SLC26A8: variants seen among roughly 807,000 people sequenced by gnomAD.
SLC26A8 encodes testis anion transporter 1.
Under a neutral mutation model 105.0 loss-of-function variants are expected in SLC26A8, and 70 were observed. That is an observed-to-expected ratio of 0.67 (90% CI 0.55 to 0.81). The LOEUF is 0.81. SLC26A8 is among the 40% of genes least tolerant of loss of function. The pLI is 0.00. For missense variants in SLC26A8, 998 were observed against 1,181.8 expected (o/e 0.84, Z 2.28); for synonymous variants, 415 against 438.3 (o/e 0.95, Z 0.66).
intron 3 of SLC26A8, among the ~76,000 whole-genome samples, chr6:36,008,110 A>C: frequency 7.6e-6 from 1 of 131,360 alleles, no homozygotes; most frequent in Admixed American, 8.5e-5. Context: ...ACAGAGCGAG[A>C]CTCCGTCTCA....
rs1162745409 is a variant in SLC26A8, at chr6:36,012,351, T to C, written c.210A>G (p.Leu70=). Residue 70 remains leucine, a synonymous_variant, in exon 3 of 20, where the codon CTA becomes CTG. Transcript: ENST00000490799. ...VQCRCSWHRF[L]RCVLTIFPFL... ...AGGGAAAGATTGTAAGCACGCATCG[T>C]AGGAACCTGTGCCATGAGCAGCTGT... 1.9e-6 allele frequency: 3 copies of C among 1,597,066 alleles called. No homozygotes were observed. Among genetic ancestry groups the C allele is most frequent in the Non-Finnish European group, 2.6e-6 (3 of 1,174,392 alleles).
intron 1 of SLC26A8, among the ~76,000 whole-genome samples, chr6:36,022,775 T>C (rs1217439178): frequency 6.6e-6 from 1 of 151,922 alleles, no homozygotes; most frequent in Non-Finnish European, 1.5e-5. Context: ...TCCAGCTCCA[T>C]TATGTCTTTC....
chr6:35,991,518 A>T (rs574127469), intron 7 of SLC26A8, 141 bp downstream of exon 7: 128 of 594,190 alleles, frequency 2.2e-4, no homozygotes, highest in Non-Finnish European at 3.1e-4. Context: ...ATATTTTAGA[A>T]AAAGAAAACA....
intron 11 of SLC26A8, among the ~76,000 whole-genome samples, chr6:35,968,034 G>A (rs1772588576): frequency 6.6e-6 from 1 of 151,980 alleles, no homozygotes; most frequent in African/African-American, 2.4e-5. Context: ...TTTTAGTAGA[G>A]ACGGGGTTTT....
chr6:35,958,981 TCCC>T (rs1452234423), intron 16 of SLC26A8, among the ~76,000 whole-genome samples: 1 of 152,088 alleles, frequency 6.6e-6, no homozygotes, highest in Non-Finnish European at 1.5e-5. Flanking sequence ...CCCGCTCCTT[TCCC>T]CCATCTCCCA....
chr6:35,962,561 G>T lies in SLC26A8; in HGVS notation c.1426C>A (p.Leu476Ile), dbSNP rs1353176113. Reference protein sequence around the residue: ...VIPYLETISNLPSLWRQDQYD... With the variant: ...VIPYLETISNIPSLWRQDQYD... Reference sequence around the variant, plus strand: ...TGGTCCTGCCTCCACAGGCTGGGTAGGTTAGAAATGGTTTCAAGGTAGGGA... The same window carrying T: ...TGGTCCTGCCTCCACAGGCTGGGTATGTTAGAAATGGTTTCAAGGTAGGGA... The change falls in exon 12 of 20, where the codon CTA (leucine) becomes ATA (isoleucine). Residue 476 changes from leucine (L) to isoleucine (I), a missense_variant. By Grantham distance (5) the Leu-to-Ile change is conservative. Coordinates refer to ENST00000490799, the MANE Select transcript of SLC26A8 (RefSeq NM_052961.4). 1 of 1,614,118 alleles carries T rather than the reference G, an allele frequency of 6.2e-7. No homozygotes were observed. The highest frequency in any genetic ancestry group is 1.1e-5 in the South Asian group (1 of 91,078).
intron 9 of SLC26A8, 127 bp from the exon 10 acceptor site, chr6:35,975,615 T>C (rs1300029209): frequency 3.4e-6 from 2 of 591,096 alleles, no homozygotes; most frequent in Non-Finnish European, 6.0e-6. Flanking sequence ...AAATAACAGA[T>C]TGAAATATTA....
At chr6:35,978,146 G>GAAAAA (rs199662420) in intron 8 of SLC26A8, among the ~76,000 whole-genome samples, 1 of 65,744 alleles carries the variant, frequency 1.5e-5, no homozygotes, top group Non-Finnish European at 3.5e-5. Context: ...AGCACAAGAA[G>GAAAAA]AAAAAAAAAA....
chr6:35,956,284 A>C (rs894625396), intron 16 of SLC26A8, among the ~76,000 whole-genome samples: 22 of 151,220 alleles, frequency 1.5e-4, no homozygotes, highest in African/African-American at 7.3e-5. Flanking sequence ...CCCCCTCCCC[A>C]AAAAAAGCTG....
At chr6:36,005,180 A>G (rs1416290448) in intron 3 of SLC26A8, among the ~76,000 whole-genome samples, 1 of 152,152 alleles carries the variant, frequency 6.6e-6, no homozygotes, top group African/African-American at 2.4e-5. Context: ...ATTTTAAACT[A>G]ATTTTAGAAT....
Position 35,951,349 on chromosome 6 carries a change from T to TA in SLC26A8, c.2288-3dup. The stretch of plus-strand genomic sequence containing the variant: ...TCTCAAATGCCCTGACTATGGAAGC[T>TA]AAAAACCAAACCCAGAACACACACA... On this transcript the variant is annotated splice_region_variant and splice_polypyrimidine_tract_variant and intron_variant, in intron 18 of 19. Coordinates refer to ENST00000490799, the MANE Select transcript of SLC26A8 (RefSeq NM_052961.4). 1 of 1,614,032 alleles carries TA rather than the reference T, an allele frequency of 6.2e-7. No individual in the cohort carries two copies. Among genetic ancestry groups the TA allele is most frequent in the South Asian group, 1.1e-5 (1 of 91,084 alleles).
At chr6:35,989,447 T>C (rs1217742136) in intron 7 of SLC26A8, 1 of 152,222 alleles carries the variant, frequency 6.6e-6, no homozygotes, top group African/African-American at 2.4e-5. Flanking sequence ...GGTTTGTTCC[T>C]TATTGATGAA....
At chr6:36,018,998 C>T (rs1762062620) in intron 2 of SLC26A8, among the ~76,000 whole-genome samples, 1 of 152,164 alleles carries the variant, frequency 6.6e-6, no homozygotes, top group Non-Finnish European at 1.5e-5. Context: ...ACAATCTCGA[C>T]CCACTACAAC....
chr6:36,012,818 T>G (rs1761897367), intron 2 of SLC26A8, among the ~76,000 whole-genome samples: 1 of 152,256 alleles, frequency 6.6e-6, no homozygotes, highest in Non-Finnish European at 1.5e-5. Flanking sequence ...AATGGACTGC[T>G]GTTGTTTTCT....
At chr6:35,968,653 ATC>A (rs1436355381) in intron 11 of SLC26A8, among the ~76,000 whole-genome samples, 1 of 97,394 alleles carries the variant, frequency 1.0e-5, no homozygotes, top group Non-Finnish European at 1.9e-5. Context: ...ATATATATAT[ATC>A]TCACATCATT....
At chr6:35,994,856 C>T (rs752628140) in intron 5 of SLC26A8, among the ~76,000 whole-genome samples, 4 of 152,170 alleles carry the variant, frequency 2.6e-5, no homozygotes, top group Admixed American at 6.5e-5. Flanking sequence ...GAATTACAGG[C>T]GTGAGCCACT....
chr6:35,970,309 C>T (rs145506259), intron 10 of SLC26A8, among the ~76,000 whole-genome samples: 10 of 152,266 alleles, frequency 6.6e-5, no homozygotes, highest in Middle Eastern at 3.4e-3. Flanking sequence ...AATGTATTGC[C>T]GAAAATAATA....
At chr6:35,957,323 T>A (rs1277243457) in intron 16 of SLC26A8, among the ~76,000 whole-genome samples, 11 of 144,498 alleles carry the variant, frequency 7.6e-5, no homozygotes, top group African/African-American at 2.5e-4. Flanking sequence ...TTCTGGGTGA[T>A]GTTTCTATTT....
intron 3 of SLC26A8, among the ~76,000 whole-genome samples, chr6:36,010,741 G>T (rs140153486): frequency 2.0e-5 from 3 of 151,712 alleles, no homozygotes; most frequent in African/African-American, 7.3e-5. Context: ...GTTTCACTAT[G>T]TTGCCCAGGC....
Sources: allele counts gnomAD v4.1 joint callset (sites outside exome capture counted in the v4.1 genomes callset), GRCh38; gene constraint gnomAD v4.1.1; transcripts MANE v1.5; gene names NCBI Gene and HGNC (gene_info 2026-07-23, HGNC 2026-07-21).